The following GJC1 variants were observed in gnomAD, a reference collection of about 807,000 sequenced individuals.
GJC1 encodes gap junction gamma-1 protein.
A neutral mutation model predicts 29.3 loss-of-function variants in GJC1; 5 were observed. The ratio of observed to expected loss-of-function variants is 0.17; its 90% CI spans 0.09 to 0.36. The LOEUF (loss-of-function observed/expected upper bound fraction) is 0.36, where lower values mean the gene tolerates loss of function less well. Among genes scored for constraint, GJC1 ranks in the 10% least tolerant of loss-of-function variants. The probability of loss-of-function intolerance (pLI) is 1.00; values close to 1 mark genes in which losing one functional copy is unlikely to be tolerated. For synonymous variants in GJC1, 177 were observed against 183.3 expected, an observed-to-expected ratio of 0.97 and a Z score of 0.28; for missense variants, 310 against 496.2, an observed-to-expected ratio of 0.62 and a Z score of 3.56.
upstream of GJC1, among the ~76,000 whole-genome samples, chr17:44,831,080 G>A (rs1370853939): frequency 6.6e-6 from 1 of 152,186 alleles, no homozygotes; most frequent in East Asian, 1.9e-4. Context: ...TCAGAATGCC[G>A]ATGGACAGGC....
rs961241718 is a variant in GJC1, at chr17:44,816,005, C to T, written c.-96-8536G>A. The stretch of plus-strand genomic sequence containing the variant: ...GCGGGTGCCTGTAATCCCAGCTACT[C>T]GGGAGGCTGAGGCAGGAGAATGGTG... On this transcript the variant is annotated intron_variant, in intron 1 of 2. Coordinates refer to ENST00000592524, the MANE Select transcript of GJC1 (RefSeq NM_005497.4). Among the ~76,000 whole-genome samples, 29 of 142,776 alleles carry T rather than the reference C, an allele frequency of 2.0e-4. No individual in the cohort carries two copies. In the East Asian group the frequency reaches 5.9e-3, roughly 29 times the overall value. The allele number at this position is 142,776 out of a possible 152,430, so 93.7% of individuals were successfully genotyped here.
At chr17:44,808,861 A>G (rs1172021911) in intron 1 of GJC1, among the ~76,000 whole-genome samples, 1 of 152,074 alleles carries the variant, frequency 6.6e-6, no homozygotes, top group Non-Finnish European at 1.5e-5. Context: ...GTGGATCACC[A>G]GCAGTCGGGA....
intron 1 of GJC1, among the ~76,000 whole-genome samples, chr17:44,822,161 C>CACT (rs1464181249): frequency 7.8e-6 from 1 of 127,724 alleles, no homozygotes; most frequent in Non-Finnish European, 1.6e-5. Context: ...CGTGCCACTG[C>CACT]ACTCCAGCCT....
intron 1 of GJC1, among the ~76,000 whole-genome samples, chr17:44,827,895 A>C (rs558660973): frequency 1.2e-4 from 18 of 152,334 alleles, no homozygotes; most frequent in African/African-American, 4.3e-4. Context: ...AAGAAAAAAG[A>C]ACACACCTCA....
rs2049875091 is a variant in GJC1, at chr17:44,803,404, C to CAA, written c.*1221_*1222dup. 2.0e-5 allele frequency: 3 copies of CAA among 152,188 alleles called. No homozygotes were observed. Among genetic ancestry groups the CAA allele is most frequent in the African/African-American group, 7.2e-5 (3 of 41,444 alleles). 9.4% of individuals were successfully genotyped at this position (152,188 alleles called of 1,614,324 possible). ...GATGAACATGAATGCTTGTCAGTGA[C>CAA]AAACACATTATGCCTACAAAGAATA... On this transcript the variant is annotated 3_prime_UTR_variant, in exon 3 of 3. Transcript: ENST00000592524.
intron 1 of GJC1, among the ~76,000 whole-genome samples, chr17:44,816,962 G>A (rs953709427): frequency 1.3e-5 from 2 of 152,070 alleles, no homozygotes; most frequent in African/African-American, 4.8e-5. Flanking sequence ...TGTAATCCCA[G>A]CACTTTGGGA....
Position 44,804,495 on chromosome 17 carries a change from T to TGA in GJC1, c.*130_*131dup. ...GCCCAGCCCCGCCTCCAGAGTCCCC[T>TGA]GAGCTTGGATCATGAGCCAACAGCA... is the stretch of plus-strand genomic sequence containing the variant. On this transcript the variant is annotated 3_prime_UTR_variant, in exon 3 of 3. Transcript: ENST00000592524. The TGA allele has an allele frequency of 1.4e-6, 1 of 723,614 alleles. No homozygotes were observed. Among genetic ancestry groups the TGA allele is most frequent in the Non-Finnish European group, 2.3e-6 (1 of 432,352 alleles). The allele number at this position is 723,614 out of a possible 1,614,324, so 44.8% of individuals were successfully genotyped here. A position where few individuals can be genotyped will look rare whatever the true frequency, so the allele number is the denominator to read the frequency against.
chr17:44,811,239 ACC>A (rs1228808886), intron 1 of GJC1, among the ~76,000 whole-genome samples: 1 of 151,412 alleles, frequency 6.6e-6, no homozygotes, highest in Non-Finnish European at 1.5e-5. Context: ...GTGCCACCAC[ACC>A]CAGCTAATTT....
rs540795564 is a variant in GJC1 at position 44,801,952 on chromosome 17, T to C, written c.*2675A>G. The C allele has an allele frequency of 2.6e-4, 40 of 152,286 alleles. No individual in the cohort carries two copies. The highest frequency in any genetic ancestry group is 9.6e-4 in the African/African-American group (40 of 41,562). 9.4% of individuals were successfully genotyped at this position (152,286 alleles called of 1,614,324 possible). ...AATATGTCATTAGGGGAGAATGACTTTGGCAAACTCATATGCTTCAAAGGC... is the reference window on the plus strand; with the variant it reads ...AATATGTCATTAGGGGAGAATGACTCTGGCAAACTCATATGCTTCAAAGGC... On this transcript the variant is annotated 3_prime_UTR_variant, in exon 3 of 3. Transcript: ENST00000592524.
In GJC1 at chr17:44,830,118, G is replaced by A. The variant is rs1029595706; in HGVS notation, c.-153C>T. ...CCGCCGGGCCTCGGCCCGTCCCGCC[G>A]GTCGCGGCCTCATGTGCCCCGCGTC... On this transcript the variant is annotated 5_prime_UTR_variant, in exon 1 of 3. Coordinates refer to ENST00000592524, the MANE Select transcript of GJC1 (RefSeq NM_005497.4). The surrounding 1 kb of genome is among the most constrained non-coding windows in gnomAD (Gnocchi z 4.3). 1 of 152,918 alleles carries A rather than the reference G, an allele frequency of 6.5e-6. No homozygotes were observed. Among genetic ancestry groups the A allele is most frequent in the African/African-American group, 2.4e-5 (1 of 41,378 alleles). 9.5% of individuals were successfully genotyped at this position (152,918 alleles called of 1,614,324 possible).
chr17:44,822,880 T>C (rs1011999249), intron 1 of GJC1, among the ~76,000 whole-genome samples: 8 of 152,030 alleles, frequency 5.3e-5, no homozygotes, highest in African/African-American at 1.7e-4. Context: ...AAAATATATA[T>C]GGTAACCGAA....
rs1162077867 is a variant in GJC1, at chr17:44,825,188, C to CAAAAAA, written c.-97+4868_-97+4873dup. Among the ~76,000 whole-genome samples, 42 of 45,984 alleles carry CAAAAAA rather than the reference C, an allele frequency of 9.1e-4. 4 individuals are homozygous for CAAAAAA. The highest frequency in any genetic ancestry group is 1.9e-3 in the Admixed American group (6 of 3,094). 30.2% of individuals were successfully genotyped at this position (45,984 alleles called of 152,430 possible). ...ACAGAACAAGACTCTGTCTCAATTA[C>CAAAAAA]AAAAAAAAAAAAAAAAAAAAAAAAA... is the stretch of plus-strand genomic sequence containing the variant. On this transcript the variant is annotated intron_variant, in intron 1 of 2. Coordinates refer to ENST00000592524, the MANE Select transcript of GJC1 (RefSeq NM_005497.4).
intron 1 of GJC1, among the ~76,000 whole-genome samples, chr17:44,825,760 G>A (rs996641106): frequency 4.0e-5 from 6 of 148,230 alleles, no homozygotes; most frequent in Non-Finnish European, 7.4e-5. Flanking sequence ...GGGTGAAAGA[G>A]TGAGACTCAG....
chr17:44,828,822 T>A (rs1183981335), intron 1 of GJC1, among the ~76,000 whole-genome samples: 2 of 152,140 alleles, frequency 1.3e-5, no homozygotes, highest in African/African-American at 2.4e-5. Flanking sequence ...TCTTTTACTC[T>A]GAATAATACC....
chr17:44,800,834 T>C lies in GJC1; in HGVS notation c.*3793A>G, dbSNP rs890069928. 4.6e-5 allele frequency: 7 copies of C among 151,744 alleles called. No individual in the cohort carries two copies. Among genetic ancestry groups the C allele is most frequent in the African/African-American group, 1.7e-4 (7 of 41,334 alleles). The allele number at this position is 151,744 out of a possible 1,614,324, so 9.4% of individuals were successfully genotyped here. On this transcript the variant is annotated 3_prime_UTR_variant, in exon 3 of 3. Coordinates refer to ENST00000592524, the MANE Select transcript of GJC1 (RefSeq NM_005497.4). ...TAATCACTTCGTAACACTTCTGAGA[T>C]GTACATGGCTCCTGAAACTTGAAAA...
downstream of GJC1, chr17:44,794,480 G>T (rs948675609): frequency 1.3e-5 from 2 of 152,204 alleles, no homozygotes; most frequent in Non-Finnish European, 2.9e-5. Flanking sequence ...CTGGGTACAG[G>T]ATCTAACATC....
chr17:44,813,617 T>C (rs1360994226), intron 1 of GJC1, among the ~76,000 whole-genome samples: 2 of 150,246 alleles, frequency 1.3e-5, no homozygotes, highest in Admixed American at 1.3e-4. Flanking sequence ...CTTAGCATCC[T>C]GAGTAGCTGG....
intron 1 of GJC1, among the ~76,000 whole-genome samples, chr17:44,808,686 C>T (rs1487315053): frequency 6.6e-6 from 1 of 152,146 alleles, no homozygotes; most frequent in East Asian, 1.9e-4. Context: ...CACTTGAGCC[C>T]GGGAGGTAGA....
intron 1 of GJC1, among the ~76,000 whole-genome samples, chr17:44,826,348 C>G (rs1461704353): frequency 6.6e-6 from 1 of 151,944 alleles, no homozygotes; most frequent in African/African-American, 2.4e-5. Context: ...CTGGTTAACA[C>G]GATGAAACAG....
Sources: allele counts gnomAD v4.1 joint callset (sites outside exome capture counted in the v4.1 genomes callset), GRCh38; gene constraint gnomAD v4.1.1; non-coding constraint Gnocchi (gnomAD v3.1); transcripts MANE v1.5; gene names NCBI Gene and HGNC (gene_info 2026-07-23, HGNC 2026-07-21).